The following SYTL3 variants were observed in gnomAD, a reference collection of about 807,000 sequenced individuals.
SYTL3 encodes synaptotagmin-like protein 3.
Under a neutral mutation model 82.1 loss-of-function variants are expected in SYTL3, and 88 were observed. The observed-to-expected ratio is 1.07, with a 90% CI of 0.90 to 1.28. The LOEUF (loss-of-function observed/expected upper bound fraction) is 1.28. SYTL3 is among the 50% of genes most tolerant of loss of function. The probability of loss-of-function intolerance (pLI) is 0.00; values close to 1 mark genes in which losing one functional copy is unlikely to be tolerated. For synonymous variants in SYTL3, 311 were observed against 289.4 expected, an observed-to-expected ratio of 1.07 and a Z score of -0.76; for missense variants, 831 against 757.6, an observed-to-expected ratio of 1.10 and a Z score of -1.14.
intron 11 of SYTL3, chr6:158,726,216 C>G: frequency 2.3e-6 from 1 of 437,640 alleles, no homozygotes; most frequent in Non-Finnish European, 4.5e-6. Flanking sequence ...TATCCCTACA[C>G]CATCTGTCAA....
intron 9 of SYTL3, among the ~76,000 whole-genome samples, chr6:158,715,155 C>A (rs1355426188): frequency 6.6e-6 from 1 of 152,144 alleles, no homozygotes; most frequent in Non-Finnish European, 1.5e-5. Flanking sequence ...CACCCACCCC[C>A]TTGTATTTGT....
At chr6:158,683,215 CTTTTT>C in intron 6 of SYTL3, among the ~76,000 whole-genome samples, 1 of 92,112 alleles carries the variant, frequency 1.1e-5, no homozygotes, top group Non-Finnish European at 2.0e-5. Flanking sequence ...GGCCCTATTC[CTTTTT>C]TTTTTTTTTT....
At chr6:158,660,044 G>A (rs1423123782) in intron 2 of SYTL3, among the ~76,000 whole-genome samples, 1 of 151,934 alleles carries the variant, frequency 6.6e-6, no homozygotes, top group Admixed American at 6.6e-5. Flanking sequence ...GGACGCCGAG[G>A]GCCTGAGGTC....
At chr6:158,653,340 C>G (rs1356035995) in intron 2 of SYTL3, among the ~76,000 whole-genome samples, 1 of 151,988 alleles carries the variant, frequency 6.6e-6, no homozygotes, top group Non-Finnish European at 1.5e-5. Flanking sequence ...AACCCTGTCT[C>G]TACTAAAAAT....
chr6:158,704,432 G>A (rs960308779), intron 6 of SYTL3, among the ~76,000 whole-genome samples: 1 of 152,268 alleles, frequency 6.6e-6, no homozygotes, highest in Admixed American at 6.5e-5. Flanking sequence ...GCGGGGACGC[G>A]GGGGATTTGC....
At chr6:158,660,584 T>C (rs1027744386) in intron 2 of SYTL3, among the ~76,000 whole-genome samples, 4 of 152,212 alleles carry the variant, frequency 2.6e-5, no homozygotes, top group African/African-American at 9.7e-5. Flanking sequence ...AGCGAGCGGT[T>C]GAGTATTTCA....
Position 158,684,891 on chromosome 6 carries a change from G to A in SYTL3, c.394+1902G>A, listed in dbSNP as rs867541378. The stretch of plus-strand genomic sequence containing the variant: ...AAACTAATACTAAGGGTCATGTCAG[G>A]CAATGGAATGAAGCAGGGTTGCTGT... On this transcript the variant is annotated intron_variant, in intron 6 of 17. Transcript: ENST00000611299. Among the ~76,000 whole-genome samples the A allele has an allele frequency of 8.6e-5, 13 of 151,404 alleles. 1 individual carries two copies. The South Asian group carries it at 2.5e-3, about 29-fold the overall frequency.
intron 5 of SYTL3, among the ~76,000 whole-genome samples, chr6:158,667,069 C>G (rs1452807917): frequency 1.3e-5 from 2 of 152,232 alleles, no homozygotes; most frequent in Admixed American, 1.3e-4. Flanking sequence ...TCAGTATCTT[C>G]TTCCCCATTT....
chr6:158,715,443 C>T (rs1783253431), intron 9 of SYTL3, among the ~76,000 whole-genome samples: 1 of 152,076 alleles, frequency 6.6e-6, no homozygotes, highest in South Asian at 2.1e-4. Flanking sequence ...CAGAGCCTGG[C>T]CTGTGTACCT....
intron 6 of SYTL3, among the ~76,000 whole-genome samples, chr6:158,695,084 TAA>T (rs1171564011): frequency 1.3e-5 from 2 of 152,188 alleles, no homozygotes; most frequent in Non-Finnish European, 2.9e-5. Flanking sequence ...CTTTTGTAAA[TAA>T]AGTTTTATTG....
intron 5 of SYTL3, among the ~76,000 whole-genome samples, chr6:158,674,112 TAA>T (rs1491307273): frequency 6.2e-4 from 90 of 145,954 alleles, no homozygotes; most frequent in African/African-American, 2.3e-3. Flanking sequence ...ATAATAATAA[TAA>T]TAATAATGAT....
intron 5 of SYTL3, among the ~76,000 whole-genome samples, chr6:158,667,161 A>C (rs1362583261): frequency 6.6e-6 from 1 of 152,192 alleles, no homozygotes; most frequent in African/African-American, 2.4e-5. Flanking sequence ...TTCTTCTTCT[A>C]CCAATGAACT....
chr6:158,733,205 A>G (rs1002529875), intron 11 of SYTL3, among the ~76,000 whole-genome samples: 1 of 152,220 alleles, frequency 6.6e-6, no homozygotes, highest in Non-Finnish European at 1.5e-5. Context: ...TGTGCTGAAT[A>G]TGTTCACAGG....
chr6:158,662,735 T>C lies in SYTL3; in HGVS notation c.-519-15T>C, dbSNP rs1285440026. On this transcript the variant is annotated splice_polypyrimidine_tract_variant and intron_variant, in intron 3 of 17. Transcript: ENST00000611299. The stretch of plus-strand genomic sequence containing the variant: ...CCAAGAAAAATGTTGCCATTTTTTG[T>C]TTTCTTTTCTGCAGGTATTGAACGG... 1 of 152,258 alleles carries C rather than the reference T, an allele frequency of 6.6e-6. No homozygotes were observed. Among genetic ancestry groups the C allele is most frequent in the Non-Finnish European group, 1.5e-5 (1 of 68,064 alleles). 9.4% of individuals were successfully genotyped at this position (152,258 alleles called of 1,614,324 possible).
intron 7 of SYTL3, 59 bp from the exon 8 acceptor site, chr6:158,708,262 TA>T: frequency 7.1e-7 from 1 of 1,401,478 alleles, no homozygotes; most frequent in Non-Finnish European, 1.0e-6. Flanking sequence ...TGTGTATTTG[TA>T]AAACTAACGG....
At chr6:158,698,389 T>C in intron 6 of SYTL3, among the ~76,000 whole-genome samples, 1 of 119,192 alleles carries the variant, frequency 8.4e-6, no homozygotes, top group African/African-American at 3.6e-5. Context: ...AGAGTGAGAC[T>C]CTGTCTCAAA....
upstream of SYTL3, among the ~76,000 whole-genome samples, chr6:158,646,909 C>G (rs779803272): frequency 6.6e-6 from 1 of 152,146 alleles, no homozygotes; most frequent in Non-Finnish European, 1.5e-5. Flanking sequence ...TTGGCCCCAC[C>G]ACGATCCTGA....
At chr6:158,758,364 G>T (rs1789424086) in intron 14 of SYTL3, among the ~76,000 whole-genome samples, 1 of 151,808 alleles carries the variant, frequency 6.6e-6, no homozygotes, top group Non-Finnish European at 1.5e-5. Flanking sequence ...CTTGAACCTG[G>T]GAGGCAGAGG....
chr6:158,762,751 T>C lies in SYTL3; in HGVS notation c.1518-553T>C, dbSNP rs1426435015. Among the ~76,000 whole-genome samples the C allele has an allele frequency of 3.9e-5, 6 of 152,202 alleles. No homozygotes were observed. The South Asian group carries it at 1.0e-3, about 26-fold the overall frequency. ...GGCCAACATGATGAAACCCCATCTC[T>C]ACTAAAAATACAAAAATTAGCTGGG... On this transcript the variant is annotated intron_variant, in intron 16 of 17. Coordinates refer to ENST00000611299, the MANE Select transcript of SYTL3 (RefSeq NM_001242394.2).
Sources: gnomAD v4.1 joint callset for allele counts (sites outside exome capture counted in the v4.1 genomes callset) on GRCh38, gnomAD v4.1.1 for gene constraint, MANE v1.5 for transcripts, NCBI Gene and HGNC (gene_info 2026-07-23, HGNC 2026-07-21) for gene names.